The following RPTOR variants were observed in gnomAD, a reference collection of about 807,000 sequenced individuals.
The protein encoded by RPTOR is regulatory-associated protein of mTOR.
RPTOR carries 21 observed loss-of-function variants against 169.9 expected under a neutral mutation model. The observed-to-expected ratio is 0.12, with a 90% CI of 0.09 to 0.18. The LOEUF is 0.18. RPTOR is among the 10% of genes least tolerant of loss of function. The pLI, the probability that RPTOR is intolerant of heterozygous loss-of-function variation, is 1.00. For missense variants in RPTOR, 1,133 were observed against 1,855.9 expected (o/e 0.61, Z 7.16); for synonymous variants, 732 against 753.2 (o/e 0.97, Z 0.46).
At chr17:80,929,495 G>A (rs1226626053) in intron 24 of RPTOR, among the ~76,000 whole-genome samples, 1 of 152,242 alleles carries the variant, frequency 6.6e-6, no homozygotes, top group East Asian at 1.9e-4. Flanking sequence ...AGCTTTAAGA[G>A]TCGATACGCT....
intron 12 of RPTOR, among the ~76,000 whole-genome samples, chr17:80,855,872 C>T (rs1463640415): frequency 6.6e-6 from 1 of 152,184 alleles, no homozygotes; most frequent in Admixed American, 6.5e-5. Flanking sequence ...AGGAGCAGGG[C>T]GCCCCTGAGC....
chr17:80,912,683 G>C (rs2068626687), intron 21 of RPTOR, among the ~76,000 whole-genome samples: 1 of 152,188 alleles, frequency 6.6e-6, no homozygotes, highest in Non-Finnish European at 1.5e-5. Flanking sequence ...GTGACATGTA[G>C]TGTAGCTGGA....
In RPTOR at chr17:80,837,997, G is replaced by C; in HGVS notation, c.1212G>C (p.Arg404=). 6.2e-7 allele frequency: 1 copy of C among 1,607,788 alleles called. No homozygotes were observed. Among genetic ancestry groups the C allele is most frequent in the Non-Finnish European group, 8.5e-7 (1 of 1,176,946 alleles). The change falls in exon 10 of 34, where the codon CGG becomes CGC. Residue 404 remains arginine, a splice_region_variant and synonymous_variant. Transcript: ENST00000306801. ...PTIIEEGTAF[R]HSPFFAEQLT... is the part of the protein sequence containing the mutation. ...TCATCGAGGAAGGCACTGCGTTTCGGGTGAGTCCCTCCAAGGGCACCCTGT... is the reference window on the plus strand; with the variant it reads ...TCATCGAGGAAGGCACTGCGTTTCGCGTGAGTCCCTCCAAGGGCACCCTGT...
In RPTOR at chr17:80,860,316, C is replaced by A. The variant is rs1567953716; in HGVS notation, c.1509+2416C>A. 6.6e-6 allele frequency among the ~76,000 whole-genome samples: 1 copy of A among 152,218 alleles called. No individual in the cohort carries two copies. Among genetic ancestry groups the A allele is most frequent in the East Asian group, 1.9e-4 (1 of 5,180 alleles). On this transcript the variant is annotated intron_variant, in intron 13 of 33. Coordinates refer to ENST00000306801, the MANE Select transcript of RPTOR (RefSeq NM_020761.3). This position sits in a 1 kb window ranked among gnomAD's most constrained non-coding sequence, Gnocchi z 5.8. ...ACCCTGTTGTCCAGGCACTGGCAGG[C>A]ACCCCGAGCCACAGGCTCGTACCCC...
At chr17:80,546,810 TTGG>T (rs1216512392) in intron 1 of RPTOR, among the ~76,000 whole-genome samples, 3 of 152,148 alleles carry the variant, frequency 2.0e-5, no homozygotes, top group African/African-American at 7.2e-5. Flanking sequence ...TCTCAGCACT[TTGG>T]GAGGCCAAGG....
intron 20 of RPTOR, among the ~76,000 whole-genome samples, chr17:80,902,190 C>A (rs556889815): frequency 6.6e-6 from 1 of 152,336 alleles, no homozygotes; most frequent in South Asian, 2.1e-4. Context: ...TCTCTGCAGA[C>A]CACAACTGGG....
intron 10 of RPTOR, among the ~76,000 whole-genome samples, chr17:80,840,568 ACACCGCACGGCAGCTCACATT>A (rs1488367010): frequency 1.7e-4 from 17 of 98,954 alleles, no homozygotes; most frequent in Non-Finnish European, 9.8e-5. Flanking sequence ...ACGGCAGCTC[ACACCGCACGGCAGCTCACATT>A]CACCGCACGG....
intron 7 of RPTOR, chr17:80,804,892 T>C (rs9908495): frequency 0.34 from 51,267 of 152,074 alleles, 9,039 homozygotes; most frequent in African/African-American, 0.44. Flanking sequence ...AATGAGGGGA[T>C]GTGTACAGCA....
chr17:80,565,899 G>C (rs1425639033), intron 1 of RPTOR, among the ~76,000 whole-genome samples: 3 of 152,200 alleles, frequency 2.0e-5, no homozygotes, highest in African/African-American at 7.2e-5. Context: ...TCTAGCGCTG[G>C]GACAGCTTTG....
At chr17:80,786,444 G>C (rs1417670521) in intron 6 of RPTOR, among the ~76,000 whole-genome samples, 1 of 152,104 alleles carries the variant, frequency 6.6e-6, no homozygotes, top group Non-Finnish European at 1.5e-5. Context: ...ACATTAATTT[G>C]TTCTTCATTG....
At chr17:80,663,208 G>T (rs958565545) in intron 3 of RPTOR, among the ~76,000 whole-genome samples, 1 of 152,160 alleles carries the variant, frequency 6.6e-6, no homozygotes, top group African/African-American at 2.4e-5. Flanking sequence ...TCTCCCACAG[G>T]TTCACGCTGC....
chr17:80,898,601 T>A (rs944930495), intron 20 of RPTOR, among the ~76,000 whole-genome samples: 11 of 151,464 alleles, frequency 7.3e-5, no homozygotes, highest in African/African-American at 2.7e-4. Context: ...TCCTTCCTAA[T>A]GTGTGTGTTC....
At chr17:80,893,665 G>A (rs1407178400) in intron 19 of RPTOR, 42 bp from the exon 20 acceptor site, 1 of 1,573,072 alleles carries the variant, frequency 6.4e-7, no homozygotes, top group African/African-American at 1.4e-5. Context: ...CCAAAAGGAG[G>A]GTCCCGGGAG....
At chr17:80,818,748 A>T (rs1253199479) in intron 7 of RPTOR, among the ~76,000 whole-genome samples, 1 of 152,060 alleles carries the variant, frequency 6.6e-6, no homozygotes, top group Non-Finnish European at 1.5e-5. Context: ...GACCAGTGGG[A>T]TTTTCAGGAC....
At chr17:80,853,299 C>T (rs2067814494) in intron 11 of RPTOR, among the ~76,000 whole-genome samples, 2 of 152,328 alleles carry the variant, frequency 1.3e-5, no homozygotes, top group South Asian at 2.1e-4. Flanking sequence ...CCAGCCTCTC[C>T]ACCTGCAACG....
intron 3 of RPTOR, among the ~76,000 whole-genome samples, chr17:80,700,568 A>G (rs944178271): frequency 1.9e-5 from 2 of 104,160 alleles, no homozygotes; most frequent in African/African-American, 7.5e-5. Context: ...GGTAGAGATG[A>G]TGGTGATGGT....
intron 2 of RPTOR, among the ~76,000 whole-genome samples, chr17:80,639,238 CAG>C (rs1567833887): frequency 6.6e-6 from 1 of 150,774 alleles, no homozygotes; most frequent in East Asian, 1.9e-4. Flanking sequence ...GAAAACCACA[CAG>C]AGAAATTTGC....
chr17:80,563,976 G>A lies in RPTOR; in HGVS notation c.162+18185G>A, dbSNP rs79958449. 9.2e-3 allele frequency among the ~76,000 whole-genome samples: 1,395 copies of A among 152,270 alleles called. 30 individuals are homozygous for A. Among genetic ancestry groups the A allele is most frequent in the African/African-American group, 0.031 (1,293 of 41,548 alleles). ...CCATGCTCATTCACCCCCTTGGACC[G>A]CAGTTAACTCACCTGCTGATGGACA... On this transcript the variant is annotated intron_variant, in intron 1 of 33. Transcript: ENST00000306801.
intron 11 of RPTOR, among the ~76,000 whole-genome samples, chr17:80,846,885 TC>T (rs1223887038): frequency 6.6e-6 from 1 of 152,228 alleles, no homozygotes; most frequent in Non-Finnish European, 1.5e-5. Context: ...CAGTCCATCA[TC>T]CCCCTCTCCC....
Sources: gnomAD v4.1 joint callset for allele counts (sites outside exome capture counted in the v4.1 genomes callset) on GRCh38, gnomAD v4.1.1 for gene constraint, Gnocchi (gnomAD v3.1) non-coding constraint, MANE v1.5 for transcripts, NCBI Gene and HGNC (gene_info 2026-07-23, HGNC 2026-07-21) for gene names.